The following TOGARAM2 variants were observed in gnomAD, a reference collection of about 807,000 sequenced individuals.
TOGARAM2 encodes TOG array regulator of axonemal microtubules protein 2.
In TOGARAM2, 85 loss-of-function variants were observed where a neutral mutation model predicts 93.3. That is an observed-to-expected ratio of 0.91 (90% confidence interval 0.76 to 1.09). The LOEUF is 1.09. Ranked by LOEUF, TOGARAM2 falls within the 50% of genes least tolerant of loss-of-function variation. TOGARAM2 has a pLI of 0.00. For synonymous variants in TOGARAM2, 593 were observed against 552.8 expected (o/e 1.07, Z -1.02); for missense variants, 1,277 against 1,334.5 (o/e 0.96, Z 0.67).
chr2:29,008,142 T>A (rs1195735486), intron 6 of TOGARAM2, among the ~76,000 whole-genome samples: 1 of 152,214 alleles, frequency 6.6e-6, no homozygotes, highest in Non-Finnish European at 1.5e-5. Flanking sequence ...TTTATTTGTT[T>A]TTTATTTTTT....
At chr2:29,006,300 T>C (rs1663833594) in intron 6 of TOGARAM2, among the ~76,000 whole-genome samples, 1 of 148,828 alleles carries the variant, frequency 6.7e-6, no homozygotes, top group African/African-American at 2.5e-5. Context: ...TGCATGTGTG[T>C]GTGTGAGTGC....
chr2:28,984,275 A>G (rs918768924), intron 1 of TOGARAM2, among the ~76,000 whole-genome samples: 1 of 152,156 alleles, frequency 6.6e-6, no homozygotes, highest in Admixed American at 6.5e-5. Context: ...GAAGCCATTT[A>G]TATTTCCCAG....
intron 14 of TOGARAM2, among the ~76,000 whole-genome samples, chr2:29,027,705 A>G (rs1249912891): frequency 1.3e-5 from 2 of 152,032 alleles, no homozygotes; most frequent in Non-Finnish European, 2.9e-5. Context: ...CTGCAATGCA[A>G]TGGAGTTGGT....
chr2:28,986,574 C>T (rs1434698643), intron 1 of TOGARAM2, among the ~76,000 whole-genome samples: 1 of 152,206 alleles, frequency 6.6e-6, no homozygotes, highest in Non-Finnish European at 1.5e-5. Flanking sequence ...TGCTACTTGA[C>T]CCCTGTTGTA....
upstream of TOGARAM2, among the ~76,000 whole-genome samples, chr2:28,976,375 AC>A (rs1672036584): frequency 6.6e-6 from 1 of 151,890 alleles, no homozygotes; most frequent in African/African-American, 2.4e-5. Flanking sequence ...CATCTCAAAA[AC>A]AACAACAACA....
At chr2:28,966,656 G>A (rs924195975) in intron 1 of TOGARAM2, among the ~76,000 whole-genome samples, 1 of 152,148 alleles carries the variant, frequency 6.6e-6, no homozygotes, top group Admixed American at 6.6e-5. Flanking sequence ...AGAAAATCTT[G>A]AAATAACAAT....
intron 1 of TOGARAM2, among the ~76,000 whole-genome samples, chr2:28,965,747 G>A (rs558710105): frequency 3.3e-5 from 5 of 152,206 alleles, no homozygotes; most frequent in African/African-American, 4.8e-5. Context: ...GAGCTCTGCC[G>A]TATGACTTCC....
At chr2:28,996,620 G>A (rs1368013606) in intron 2 of TOGARAM2, among the ~76,000 whole-genome samples, 3 of 151,646 alleles carry the variant, frequency 2.0e-5, no homozygotes, top group Admixed American at 2.0e-4. Flanking sequence ...TCAGGATTTC[G>A]AGACCAGCCT....
chr2:29,006,194 T>TGC (rs1157214473), intron 6 of TOGARAM2, among the ~76,000 whole-genome samples: 1 of 148,534 alleles, frequency 6.7e-6, no homozygotes, highest in Non-Finnish European at 1.5e-5. Flanking sequence ...TGTGTGCATG[T>TGC]GTGTGAGTGC....
intron 10 of TOGARAM2, among the ~76,000 whole-genome samples, chr2:29,019,267 G>C (rs978241843): frequency 6.1e-5 from 9 of 146,902 alleles, no homozygotes; most frequent in African/African-American, 2.3e-4. Flanking sequence ...TGCAACCTCT[G>C]CCTCCTGGGT....
chr2:28,976,254 C>T (rs1011504528), intron 1 of TOGARAM2, among the ~76,000 whole-genome samples: 1 of 152,070 alleles, frequency 6.6e-6, no homozygotes, highest in Non-Finnish European at 1.5e-5. Flanking sequence ...GCCTGTAGTC[C>T]CAGCTACTCA....
chr2:29,034,000 GCTGGGAGCAGTTAGAAA>G (rs901773732), intron 16 of TOGARAM2, among the ~76,000 whole-genome samples: 8 of 152,260 alleles, frequency 5.3e-5, no homozygotes, highest in African/African-American at 1.4e-4. Flanking sequence ...GTGTGGGGTT[GCTGGGAGCAGTTAGAAA>G]CCAAGCAGGA....
intron 1 of TOGARAM2, among the ~76,000 whole-genome samples, chr2:28,967,600 G>A (rs1668774186): frequency 6.6e-6 from 1 of 152,108 alleles, no homozygotes; most frequent in Non-Finnish European, 1.5e-5. Context: ...GGTGGCCATG[G>A]GCTGACCTAG....
At chr2:29,006,250 G>T (rs1663826257) in intron 6 of TOGARAM2, among the ~76,000 whole-genome samples, 1 of 149,636 alleles carries the variant, frequency 6.7e-6, no homozygotes, top group Admixed American at 6.6e-5. Flanking sequence ...TGTGGAGTGT[G>T]TGTGCATGTG....
chr2:29,039,007 C>T (rs1666277559), intron 18 of TOGARAM2, among the ~76,000 whole-genome samples: 1 of 152,200 alleles, frequency 6.6e-6, no homozygotes, highest in Non-Finnish European at 1.5e-5. Flanking sequence ...ATCTGCCTGT[C>T]ATGGTCTGAG....
chr2:29,031,487 T>C (rs530421367), intron 14 of TOGARAM2, among the ~76,000 whole-genome samples: 1 of 152,240 alleles, frequency 6.6e-6, no homozygotes, highest in Non-Finnish European at 1.5e-5. Flanking sequence ...TTTTGGATGC[T>C]CTCTGGAGAA....
At chr2:28,975,868 C>T (rs1345222878) in intron 1 of TOGARAM2, among the ~76,000 whole-genome samples, 1 of 152,102 alleles carries the variant, frequency 6.6e-6, no homozygotes, top group Non-Finnish European at 1.5e-5. Flanking sequence ...GCCTCACACC[C>T]CTATGCCTTT....
intron 14 of TOGARAM2, among the ~76,000 whole-genome samples, chr2:29,028,433 C>T (rs949421124): frequency 5.3e-5 from 8 of 152,180 alleles, no homozygotes; most frequent in South Asian, 2.1e-4. Context: ...CCAGCAGCCC[C>T]GCCCTGCCTG....
intron 6 of TOGARAM2, among the ~76,000 whole-genome samples, chr2:29,004,944 A>AG (rs1673565346): frequency 1.7e-5 from 2 of 117,640 alleles, no homozygotes; most frequent in Non-Finnish European, 3.5e-5. Context: ...ATGTGTGTGC[A>AG]TGTGTGTGCA....
Sources: gnomAD v4.1 joint callset for allele counts (sites outside exome capture counted in the v4.1 genomes callset) on GRCh38, gnomAD v4.1.1 for gene constraint, MANE v1.5 for transcripts, NCBI Gene and HGNC (gene_info 2026-07-23, HGNC 2026-07-21) for gene names.